Variants in PCDHGB1 observed in about 807,000 individuals in gnomAD.
PCDHGB1 encodes the protein protocadherin gamma subfamily B, 1.
A neutral mutation model predicts 56.6 loss-of-function variants in PCDHGB1; 34 were observed. The ratio of observed to expected loss-of-function variants is 0.60; its 90% CI spans 0.46 to 0.80. The LOEUF (loss-of-function observed/expected upper bound fraction) is 0.80. Among genes scored for constraint, PCDHGB1 ranks in the 30% least tolerant of loss-of-function variants. PCDHGB1 has a pLI of 0.00. For missense variants in PCDHGB1, 1,278 were observed against 1,204.6 expected, an observed-to-expected ratio of 1.06 and a Z score of -0.90; for synonymous variants, 561 against 505.9, an observed-to-expected ratio of 1.11 and a Z score of -1.46.
At chr5:141,410,961 C>T (rs2095452770) in intron 1 of PCDHGB1, 1 of 178,096 alleles carries the variant, frequency 5.6e-6, no homozygotes, top group African/African-American at 2.5e-5. Flanking sequence ...TCAAGCGATT[C>T]TCCTGCCTCA....
intron 1 of PCDHGB1, chr5:141,417,887 C>A: frequency 6.4e-7 from 1 of 1,564,888 alleles, no homozygotes; most frequent in Non-Finnish European, 8.7e-7. Context: ...GCAGAGGCGC[C>A]GGGCCGGCCC....
intron 1 of PCDHGB1, chr5:141,357,132 G>C (rs1369808514): frequency 6.2e-7 from 1 of 1,613,550 alleles, no homozygotes; most frequent in South Asian, 1.1e-5. Flanking sequence ...GGCTTGTAGT[G>C]GTCGTCCAGG....
intron 1 of PCDHGB1, chr5:141,441,182 CA>C (rs1434822697): frequency 6.6e-6 from 1 of 152,140 alleles, no homozygotes; most frequent in African/African-American, 2.4e-5. Flanking sequence ...TCTAATTCCA[CA>C]ATGATTCCCA....
intron 1 of PCDHGB1, chr5:141,372,404 G>A (rs761162819): frequency 2.6e-5 from 42 of 1,613,928 alleles, no homozygotes; most frequent in Non-Finnish European, 2.8e-5. Context: ...GCTTGCAAGA[G>A]ATACAACCTG....
chr5:141,425,845 GT>G (rs2096898477), intron 1 of PCDHGB1, among the ~76,000 whole-genome samples: 1 of 152,126 alleles, frequency 6.6e-6, no homozygotes, highest in Non-Finnish European at 1.5e-5. Context: ...TCTTTGCTGG[GT>G]TAATGACTGT....
chr5:141,370,576 T>C, intron 1 of PCDHGB1: 1 of 1,613,974 alleles, frequency 6.2e-7, no homozygotes, highest in Non-Finnish European at 8.5e-7. Context: ...GTGGGGGATT[T>C]ACCTACTAGG....
chr5:141,361,021 G>GA (rs758957504), intron 1 of PCDHGB1: 19 of 1,612,934 alleles, frequency 1.2e-5, no homozygotes, highest in Admixed American at 6.7e-5. Flanking sequence ...CAACTTAAAT[G>GA]AAAAAACAGG....
At chr5:141,481,587 G>A (rs1276529821) in intron 1 of PCDHGB1, among the ~76,000 whole-genome samples, 1 of 152,198 alleles carries the variant, frequency 6.6e-6, no homozygotes, top group African/African-American at 2.4e-5. Context: ...GGAGGCTGAG[G>A]CCAGCGGATC....
chr5:141,378,499 G>A (rs1220046096), intron 1 of PCDHGB1: 1 of 152,084 alleles, frequency 6.6e-6, no homozygotes, highest in Non-Finnish European at 1.5e-5. Context: ...CTCCAGTCTG[G>A]GTGACAGAGC....
chr5:141,364,800 C>G (rs2149865831), intron 1 of PCDHGB1: 12 of 1,613,952 alleles, frequency 7.4e-6, no homozygotes, highest in Non-Finnish European at 1.0e-5. Context: ...CTTCCCTTCG[C>G]GCGGGATGCG....
chr5:141,410,766 AG>A, intron 1 of PCDHGB1: 1 of 1,032,268 alleles, frequency 9.7e-7, no homozygotes, highest in Non-Finnish European at 1.3e-6. Context: ...TTTCAATTAT[AG>A]TTTTCACTAT....
At chr5:141,369,961 C>G (rs1766581774) in intron 1 of PCDHGB1, among the ~76,000 whole-genome samples, 1 of 152,090 alleles carries the variant, frequency 6.6e-6, no homozygotes, top group African/African-American at 2.4e-5. Flanking sequence ...TGCCCTTTGA[C>G]AAGTAAAAGG....
At chr5:141,505,554 C>T in intron 3 of PCDHGB1, 73 bp downstream of exon 3, 1 of 1,606,130 alleles carries the variant, frequency 6.2e-7, no homozygotes, top group Non-Finnish European at 8.5e-7. Context: ...AGCCACCATG[C>T]CCACGGACTG....
intron 1 of PCDHGB1, among the ~76,000 whole-genome samples, chr5:141,435,225 A>G (rs919735003): frequency 5.9e-5 from 9 of 152,188 alleles, no homozygotes; most frequent in Non-Finnish European, 1.2e-4. Context: ...CTTTCTTTCA[A>G]AGTTCAGTAA....
At chr5:141,361,340 A>G (rs1394183800) in intron 1 of PCDHGB1, 2 of 1,613,974 alleles carry the variant, frequency 1.2e-6, no homozygotes, top group Non-Finnish European at 1.7e-6. Context: ...AAGAACTATT[A>G]CAAACTAGTG....
chr5:141,372,086 C>T (rs1389787406), intron 1 of PCDHGB1: 21 of 1,613,620 alleles, frequency 1.3e-5, no homozygotes, highest in East Asian at 2.2e-5. Flanking sequence ...TGGTGCTGTA[C>T]CCAGCTCTGG....
At chr5:141,492,962 C>A (rs1197532146) in intron 1 of PCDHGB1, among the ~76,000 whole-genome samples, 2 of 152,258 alleles carry the variant, frequency 1.3e-5, no homozygotes, top group African/African-American at 2.4e-5. Flanking sequence ...CTATCTGACA[C>A]TCTAACAAGT....
In PCDHGB1 at chr5:141,476,210, G is replaced by A; in HGVS notation, c.2410-18597G>A. ...TGGTGCCTTGAACAAGGCTTCCACG[G>A]TCATTCACTATGAGATCCCGGAGGA... is the stretch of plus-strand genomic sequence containing the variant. On this transcript the variant is annotated intron_variant, in intron 1 of 3. Coordinates refer to ENST00000523390, the MANE Select transcript of PCDHGB1 (RefSeq NM_018922.3). The surrounding 1 kb of genome is among the most constrained non-coding windows in gnomAD (Gnocchi z 7.6). 6.2e-7 allele frequency: 1 copy of A among 1,614,012 alleles called. No individual in the cohort carries two copies. Among genetic ancestry groups the A allele is most frequent in the Non-Finnish European group, 8.5e-7 (1 of 1,180,012 alleles).
intron 1 of PCDHGB1, among the ~76,000 whole-genome samples, chr5:141,456,244 T>C (rs1382294283): frequency 6.6e-6 from 1 of 152,144 alleles, no homozygotes; most frequent in East Asian, 1.9e-4. Context: ...GTTAGGAGGC[T>C]TTGGGCGACC....
Sources: gnomAD v4.1 joint callset for allele counts (sites outside exome capture counted in the v4.1 genomes callset) on GRCh38, gnomAD v4.1.1 for gene constraint, Gnocchi (gnomAD v3.1) non-coding constraint, MANE v1.5 for transcripts, NCBI Gene and HGNC (gene_info 2026-07-23, HGNC 2026-07-21) for gene names.